The following LIN7A variants were observed in gnomAD, a reference collection of about 807,000 sequenced individuals.
LIN7A encodes protein lin-7 homolog A.
In LIN7A, 25 loss-of-function variants were observed where a neutral mutation model predicts 29.8. The observed-to-expected ratio is 0.84, with a 90% confidence interval of 0.61 to 1.17. The LOEUF (loss-of-function observed/expected upper bound fraction) is 1.17. LIN7A is among the 50% of genes most tolerant of loss of function. The pLI is 0.00. For synonymous variants in LIN7A, 118 were observed against 107.5 expected (o/e 1.10, Z -0.60); for missense variants, 239 against 287.0 (o/e 0.83, Z 1.21).
At position 80,850,461 on chromosome 12, in the gene LIN7A, A is replaced by C. The variant is rs900226679; in HGVS notation, c.202-2139T>G. ...ATGGATCTTTTGGGGAAAATCTCCT[A>C]AGATGAGCAGTTCGTGAACACTGTT... On this transcript the variant is annotated intron_variant, in intron 2 of 5. Transcript: ENST00000552864. Among the ~76,000 whole-genome samples, 4 of 152,148 alleles carry C rather than the reference A, an allele frequency of 2.6e-5. No homozygotes were observed. The East Asian group carries it at 7.7e-4, about 29-fold the overall frequency.
chr12:80,921,448 G>A (rs1001788893), intron 1 of LIN7A, among the ~76,000 whole-genome samples: 1 of 150,202 alleles, frequency 6.7e-6, no homozygotes, highest in Non-Finnish European at 1.5e-5. Flanking sequence ...CAGAGTGCCA[G>A]CAGATTCTAC....
chr12:80,927,155 C>CTTTTTTTTTTTTTT lies in LIN7A; in HGVS notation c.82+10472_82+10485dup, dbSNP rs929026269. 3.0e-4 allele frequency among the ~76,000 whole-genome samples: 23 copies of CTTTTTTTTTTTTTT among 75,532 alleles called. 1 individual carries two copies. Among genetic ancestry groups the CTTTTTTTTTTTTTT allele is most frequent in the East Asian group, 9.5e-4 (2 of 2,110 alleles). 49.6% of individuals were successfully genotyped at this position (75,532 alleles called of 152,430 possible). A position where few individuals can be genotyped will look rare whatever the true frequency, so the allele number is the denominator to read the frequency against. On this transcript the variant is annotated intron_variant, in intron 1 of 5. Transcript: ENST00000552864. ...CAGTAAACTATTTTCTTTTCTTTTT[C>CTTTTTTTTTTTTTT]TTTTTTTTTTTTTTTTTTTTTTTTG...
At chr12:80,876,838 T>C (rs1016904317) in intron 2 of LIN7A, among the ~76,000 whole-genome samples, 13 of 152,198 alleles carry the variant, frequency 8.5e-5, no homozygotes, top group African/African-American at 3.1e-4. Flanking sequence ...TTGAATATTC[T>C]TGGCCGGGCG....
intron 4 of LIN7A, among the ~76,000 whole-genome samples, chr12:80,834,505 T>A (rs10862195): frequency 6.6e-6 from 1 of 151,890 alleles, no homozygotes; most frequent in Non-Finnish European, 1.5e-5. Flanking sequence ...TTTGTATCTA[T>A]GAGAGAAGAG....
At chr12:80,809,185 C>T (rs1428750197) in intron 5 of LIN7A, among the ~76,000 whole-genome samples, 2 of 152,084 alleles carry the variant, frequency 1.3e-5, no homozygotes. Flanking sequence ...TCAGGCTGGT[C>T]TCAAACTCCT....
chr12:80,814,920 C>G (rs1460670287), intron 4 of LIN7A, among the ~76,000 whole-genome samples: 2 of 152,130 alleles, frequency 1.3e-5, no homozygotes, highest in African/African-American at 4.8e-5. Flanking sequence ...GAGATCTGGG[C>G]AGTGTCACAG....
intron 4 of LIN7A, among the ~76,000 whole-genome samples, chr12:80,822,038 C>T (rs547099052): frequency 1.1e-4 from 17 of 152,240 alleles, no homozygotes; most frequent in South Asian, 2.1e-4. Flanking sequence ...AGTATTAGTC[C>T]GTTTTCACAC....
chr12:80,811,723 A>T, intron 4 of LIN7A, 40 bp from the exon 5 acceptor site: 1 of 1,577,748 alleles, frequency 6.3e-7, no homozygotes, highest in Non-Finnish European at 8.7e-7. Flanking sequence ...AGGAGGTTCA[A>T]TGTTCTTTTC....
rs1346786636 is a variant in LIN7A, at chr12:80,795,835, T to C, written c.*1892A>G. The C allele has an allele frequency of 6.6e-6, 1 of 152,176 alleles. No homozygotes were observed. The highest frequency in any genetic ancestry group is 1.5e-5 in the Non-Finnish European group (1 of 67,998). The allele number at this position is 152,176 out of a possible 1,614,324, so 9.4% of individuals were successfully genotyped here. On this transcript the variant is annotated 3_prime_UTR_variant, in exon 6 of 6. Coordinates refer to ENST00000552864, the MANE Select transcript of LIN7A (RefSeq NM_004664.4). Reference sequence around the variant, plus strand: ...TACATCGTCTCCATTCATTCCCTTTTATCATGCTTGTCCTTTTTGTAAATC... The same window carrying C: ...TACATCGTCTCCATTCATTCCCTTTCATCATGCTTGTCCTTTTTGTAAATC...
At chr12:80,899,427 T>A (rs748635719) in intron 1 of LIN7A, among the ~76,000 whole-genome samples, 31 of 152,308 alleles carry the variant, frequency 2.0e-4, no homozygotes, top group Admixed American at 6.5e-4. Context: ...ATCAAGGGTG[T>A]TGGCTTGAAG....
At chr12:80,799,078 C>T (rs189973787) in intron 5 of LIN7A, among the ~76,000 whole-genome samples, 13 of 152,170 alleles carry the variant, frequency 8.5e-5, no homozygotes, top group African/African-American at 2.7e-4. Context: ...AACTACATGT[C>T]CTGAAGGAAT....
chr12:80,859,079 A>T (rs1467775034), intron 2 of LIN7A, among the ~76,000 whole-genome samples: 1 of 152,178 alleles, frequency 6.6e-6, no homozygotes, highest in Admixed American at 6.6e-5. Flanking sequence ...AAAATATTGG[A>T]TGCCCAATTA....
chr12:80,841,874 T>C (rs770082746), intron 4 of LIN7A: 90 of 1,018,952 alleles, frequency 8.8e-5, no homozygotes, highest in Non-Finnish European at 1.0e-4. Context: ...ATTCTTACTG[T>C]AACATTTTGA....
chr12:80,806,337 T>C (rs1310285957), intron 5 of LIN7A, among the ~76,000 whole-genome samples: 1 of 152,184 alleles, frequency 6.6e-6, no homozygotes, highest in Non-Finnish European at 1.5e-5. Context: ...TTAGAAAATG[T>C]AATGTGTATC....
At chr12:80,801,897 CTT>C (rs538377751) in intron 5 of LIN7A, among the ~76,000 whole-genome samples, 4,635 of 138,536 alleles carry the variant, frequency 0.033, 250 homozygotes, top group African/African-American at 0.12. Flanking sequence ...ATGAGTCTAA[CTT>C]TTTTTTTTTT....
At chr12:80,911,268 A>G (rs202163991) in intron 1 of LIN7A, among the ~76,000 whole-genome samples, 1 of 105,890 alleles carries the variant, frequency 9.4e-6, no homozygotes, top group East Asian at 2.6e-4. Context: ...AAGTTTGTCT[A>G]TTTTTTTTTT....
intron 1 of LIN7A, among the ~76,000 whole-genome samples, chr12:80,928,041 C>A (rs1312908431): frequency 1.3e-5 from 2 of 152,178 alleles, no homozygotes; most frequent in Admixed American, 1.3e-4. Flanking sequence ...ATCAACTCAT[C>A]CTTTTTTATG....
chr12:80,857,995 A>G (rs1294005826), intron 2 of LIN7A, among the ~76,000 whole-genome samples: 1 of 152,158 alleles, frequency 6.6e-6, no homozygotes, highest in Non-Finnish European at 1.5e-5. Context: ...CTTGTGCCTG[A>G]CAGTAAATGG....
At chr12:80,886,328 T>C (rs187763244) in intron 2 of LIN7A, among the ~76,000 whole-genome samples, 289 of 152,190 alleles carry the variant, frequency 1.9e-3, no homozygotes, top group African/African-American at 6.6e-3. Context: ...TTTTCTTTAC[T>C]GGCATTTGGT....
Sources: gnomAD v4.1 joint callset for allele counts (sites outside exome capture counted in the v4.1 genomes callset) on GRCh38, gnomAD v4.1.1 for gene constraint, MANE v1.5 for transcripts, NCBI Gene and HGNC (gene_info 2026-07-23, HGNC 2026-07-21) for gene names.